Variants in MMP24 observed in about 807,000 individuals in gnomAD.
The protein encoded by MMP24 is matrix metallopeptidase 24, also known as matrix metalloproteinase-24.
MMP24 carries 25 observed loss-of-function variants against 62.8 expected under a neutral mutation model. That is an observed-to-expected ratio of 0.40 (90% CI 0.29 to 0.56). MMP24 has a LOEUF of 0.56. Among genes scored for constraint, MMP24 ranks in the 20% least tolerant of loss-of-function variants. The probability of loss-of-function intolerance (pLI) is 0.50; values close to 1 mark genes in which losing one functional copy is unlikely to be tolerated. For synonymous variants in MMP24, 319 were observed against 350.5 expected (o/e 0.91, Z 1.00); for missense variants, 634 against 853.6 (o/e 0.74, Z 3.21).
Position 35,276,336 on chromosome 20 carries a change from A to T in MMP24, c.*1727A>T. On this transcript the variant is annotated 3_prime_UTR_variant, in exon 9 of 9. Transcript: ENST00000246186. Reference sequence around the variant, plus strand: ...ACAACTGCGGAGATATTAGTGATTCATAGGTTTGTACAGTGTTTTATACTT... The same window carrying T: ...ACAACTGCGGAGATATTAGTGATTCTTAGGTTTGTACAGTGTTTTATACTT... 5.0e-6 allele frequency: 2 copies of T among 399,056 alleles called. No individual in the cohort carries two copies. The highest frequency in any genetic ancestry group is 8.8e-6 in the Non-Finnish European group (2 of 226,064). 24.7% of individuals were successfully genotyped at this position (399,056 alleles called of 1,614,324 possible). A position where few individuals can be genotyped will look rare whatever the true frequency, so the allele number is the denominator to read the frequency against.
At chr20:35,240,284 T>C (rs2060483369) in intron 1 of MMP24, among the ~76,000 whole-genome samples, 1 of 152,276 alleles carries the variant, frequency 6.6e-6, no homozygotes, top group African/African-American at 2.4e-5. Context: ...GGAACCCAAA[T>C]CCTGCCTTCT....
At chr20:35,233,677 A>G (rs932593641) in intron 1 of MMP24, among the ~76,000 whole-genome samples, 1 of 152,228 alleles carries the variant, frequency 6.6e-6, no homozygotes, top group Non-Finnish European at 1.5e-5. Flanking sequence ...TCTTCCTTTT[A>G]GTTTTATTAT....
rs141051708 is a variant in MMP24 at position 35,274,116 on chromosome 20, T to G, written c.1601-156T>G. Reference sequence around the variant, plus strand: ...GTCCCGGGTGCCCCCCTCTGCAGCTTCTTACTCCATGACTCAGCCAAGCAC... The same window carrying G: ...GTCCCGGGTGCCCCCCTCTGCAGCTGCTTACTCCATGACTCAGCCAAGCAC... On this transcript the variant is annotated intron_variant, in intron 8 of 8. Transcript: ENST00000246186. The surrounding 1 kb of genome is among the most constrained non-coding windows in gnomAD (Gnocchi z 5.1). 7.7e-3 allele frequency among the ~76,000 whole-genome samples: 1,176 copies of G among 152,158 alleles called. 7 individuals are homozygous for G. Among genetic ancestry groups the G allele is most frequent in the African/African-American group, 0.027 (1,115 of 41,512 alleles).
intron 1 of MMP24, among the ~76,000 whole-genome samples, chr20:35,236,664 G>A (rs997836665): frequency 1.3e-5 from 2 of 152,054 alleles, no homozygotes; most frequent in African/African-American, 4.8e-5. Flanking sequence ...GGTCAAAGAG[G>A]AGAAATGACT....
At position 35,271,848 on chromosome 20, in the gene MMP24, CG is replaced by C; in HGVS notation, c.1600+16del. The C allele has an allele frequency of 6.2e-7, 1 of 1,602,092 alleles. No homozygotes were observed. On this transcript the variant is annotated intron_variant, in intron 8 of 8. Coordinates refer to ENST00000246186, the MANE Select transcript of MMP24 (RefSeq NM_006690.4). The surrounding 1 kb of genome is among the most constrained non-coding windows in gnomAD (Gnocchi z 4.0). ...AGCAAGGAAGGATGTACGTAAGGGCCGGGCCAGGGTGGGCATGGGGAGCCGG... is the reference window on the plus strand; with the variant it reads ...AGCAAGGAAGGATGTACGTAAGGGCCGGCCAGGGTGGGCATGGGGAGCCGG...
At chr20:35,233,716 G>T (rs2060448454) in intron 1 of MMP24, among the ~76,000 whole-genome samples, 1 of 152,074 alleles carries the variant, frequency 6.6e-6, no homozygotes, top group African/African-American at 2.4e-5. Context: ...TATGAAAATG[G>T]AAAGAACAAT....
intron 6 of MMP24, among the ~76,000 whole-genome samples, chr20:35,268,922 G>T (rs2060651755): frequency 6.6e-6 from 1 of 152,078 alleles, no homozygotes; most frequent in Admixed American, 6.6e-5. Flanking sequence ...AGCTACTCAG[G>T]AGGCTGAGGC....
intron 1 of MMP24, among the ~76,000 whole-genome samples, chr20:35,243,650 C>T: frequency 6.6e-6 from 1 of 152,088 alleles, no homozygotes; most frequent in South Asian, 2.1e-4. Flanking sequence ...GAGACTCTTA[C>T]ATAATGATTC....
intron 3 of MMP24, 89 bp downstream of exon 3, chr20:35,252,110 G>T (rs2060550744): frequency 9.4e-7 from 1 of 1,065,146 alleles, no homozygotes; most frequent in Non-Finnish European, 1.4e-6. Flanking sequence ...CACAATGTAG[G>T]GGGGCCTGGG....
intron 1 of MMP24, among the ~76,000 whole-genome samples, chr20:35,234,489 T>C (rs2060453157): frequency 6.6e-6 from 1 of 152,186 alleles, no homozygotes; most frequent in South Asian, 2.1e-4. Flanking sequence ...ATAATGCCAT[T>C]GGGAGCACAT....
At chr20:35,272,963 T>C (rs1005734361) in intron 8 of MMP24, among the ~76,000 whole-genome samples, 2 of 152,162 alleles carry the variant, frequency 1.3e-5, no homozygotes, top group Non-Finnish European at 2.9e-5. Context: ...ATCGTCATCA[T>C]CATTGTCATC....
rs1334823093 is a variant in MMP24, at chr20:35,274,801, T to C, written c.*192T>C. 1.6e-6 allele frequency: 1 copy of C among 608,564 alleles called. No individual in the cohort carries two copies. The highest frequency in any genetic ancestry group is 1.9e-5 in the African/African-American group (1 of 53,932). The allele number at this position is 608,564 out of a possible 1,614,324, so 37.7% of individuals were successfully genotyped here. A position where few individuals can be genotyped will look rare whatever the true frequency, so the allele number is the denominator to read the frequency against. Reference sequence around the variant, plus strand: ...GAATTATGGGGGCTGTGCCCCAGGGTGGGTGTCTGGCACCCAGCTGCCAGC... The same window carrying C: ...GAATTATGGGGGCTGTGCCCCAGGGCGGGTGTCTGGCACCCAGCTGCCAGC... On this transcript the variant is annotated 3_prime_UTR_variant, in exon 9 of 9. Coordinates refer to ENST00000246186, the MANE Select transcript of MMP24 (RefSeq NM_006690.4). The surrounding 1 kb of genome is among the most constrained non-coding windows in gnomAD (Gnocchi z 5.1).
intron 1 of MMP24, among the ~76,000 whole-genome samples, chr20:35,229,485 A>G (rs190786427): frequency 5.3e-5 from 8 of 151,918 alleles, no homozygotes; most frequent in African/African-American, 1.9e-4. Context: ...TAAATGTCTA[A>G]TACATTGTCC....
At chr20:35,229,985 ATTTAT>A (rs1291008538) in intron 1 of MMP24, among the ~76,000 whole-genome samples, 1 of 151,630 alleles carries the variant, frequency 6.6e-6, no homozygotes, top group Non-Finnish European at 1.5e-5. Context: ...ACTTATTTTT[ATTTAT>A]TTTATTTATT....
Position 35,276,558 on chromosome 20 carries a change from T to A in MMP24, c.*1949T>A. ...CTAGGGTCTGAGATGAGATGAGAAGTGTCTCCTGTATCCACCTCTTCCTGG... is the reference window on the plus strand; with the variant it reads ...CTAGGGTCTGAGATGAGATGAGAAGAGTCTCCTGTATCCACCTCTTCCTGG... On this transcript the variant is annotated 3_prime_UTR_variant, in exon 9 of 9. Transcript: ENST00000246186. 2.8e-6 allele frequency: 1 copy of A among 352,208 alleles called. No individual in the cohort carries two copies. Among genetic ancestry groups the A allele is most frequent in the African/African-American group, 2.1e-5 (1 of 47,816 alleles). 21.8% of individuals were successfully genotyped at this position (352,208 alleles called of 1,614,324 possible).
chr20:35,233,117 T>A (rs1017271018), intron 1 of MMP24, among the ~76,000 whole-genome samples: 1 of 152,176 alleles, frequency 6.6e-6, no homozygotes, highest in African/African-American at 2.4e-5. Context: ...GCACCAAAAG[T>A]ACTTGGCCAG....
At chr20:35,234,380 C>T (rs2060452454) in intron 1 of MMP24, among the ~76,000 whole-genome samples, 1 of 152,210 alleles carries the variant, frequency 6.6e-6, no homozygotes, top group Admixed American at 6.5e-5. Flanking sequence ...ATCTCTCCCA[C>T]CGGCTGTAAC....
At chr20:35,264,518 C>T (rs557750132) in intron 5 of MMP24, among the ~76,000 whole-genome samples, 1 of 151,724 alleles carries the variant, frequency 6.6e-6, no homozygotes, top group East Asian at 1.9e-4. Context: ...ATGGTGAAAC[C>T]CCATCTCTAC....
Position 35,269,315 on chromosome 20 carries a change from TC to T in MMP24, c.1195-442del, listed in dbSNP as rs2060654328. Among the ~76,000 whole-genome samples the T allele has an allele frequency of 6.6e-6, 1 of 152,170 alleles. No individual in the cohort carries two copies. The highest frequency in any genetic ancestry group is 1.5e-5 in the Non-Finnish European group (1 of 68,022). The stretch of plus-strand genomic sequence containing the variant: ...ATTCATGCCCAGGTCTCGAGGGAAT[TC>T]CCATGACTTGGCTTCCATGATCCTG... On this transcript the variant is annotated intron_variant, in intron 6 of 8. Coordinates refer to ENST00000246186, the MANE Select transcript of MMP24 (RefSeq NM_006690.4). This position sits in a 1 kb window ranked among gnomAD's most constrained non-coding sequence, Gnocchi z 4.6.
Sources: allele counts gnomAD v4.1 joint callset (sites outside exome capture counted in the v4.1 genomes callset), GRCh38; gene constraint gnomAD v4.1.1; non-coding constraint Gnocchi (gnomAD v3.1); transcripts MANE v1.5; gene names NCBI Gene and HGNC (gene_info 2026-07-23, HGNC 2026-07-21).